MCTP1: variants seen among roughly 807,000 people sequenced by gnomAD.
MCTP1 encodes multiple C2 and transmembrane domain containing 1, also known as multiple C2 and transmembrane domain-containing protein 1.
Under a neutral mutation model 120.6 loss-of-function variants are expected in MCTP1, and 69 were observed. That is an observed-to-expected ratio of 0.57 (90% CI 0.47 to 0.70). The LOEUF (loss-of-function observed/expected upper bound fraction) is 0.70, where lower values mean the gene tolerates loss of function less well. Among genes scored for constraint, MCTP1 ranks in the 30% least tolerant of loss-of-function variants. The probability of loss-of-function intolerance (pLI) is 0.00; values close to 1 mark genes in which losing one functional copy is unlikely to be tolerated. For missense variants in MCTP1, 1,203 were observed against 1,248.8 expected (o/e 0.96, Z 0.55); for synonymous variants, 529 against 493.1 (o/e 1.07, Z -0.96).
intron 1 of MCTP1, among the ~76,000 whole-genome samples, chr5:95,131,354 G>C (rs1460397542): frequency 6.6e-6 from 1 of 152,192 alleles, no homozygotes; most frequent in East Asian, 1.9e-4. Context: ...GTGAAGCAAG[G>C]AGACTGGGCT....
intron 1 of MCTP1, among the ~76,000 whole-genome samples, chr5:95,208,767 T>G (rs1194140376): frequency 1.3e-5 from 2 of 152,116 alleles, no homozygotes; most frequent in African/African-American, 4.8e-5. Flanking sequence ...TGTATTATCC[T>G]TAGTTTTGAT....
intron 1 of MCTP1, among the ~76,000 whole-genome samples, chr5:95,096,618 G>C (rs557707457): frequency 5.3e-5 from 8 of 152,272 alleles, no homozygotes; most frequent in Admixed American, 1.3e-4. Context: ...GAAAAGATGT[G>C]CCATAAATGG....
At position 95,179,746 on chromosome 5, in the gene MCTP1, G is replaced by A. The variant is rs184805644; in HGVS notation, c.720+104110C>T. On this transcript the variant is annotated intron_variant, in intron 1 of 22. Coordinates refer to ENST00000515393, the MANE Select transcript of MCTP1 (RefSeq NM_024717.7). Reference sequence around the variant, plus strand: ...ACCTCCTTAAAGCATAAATCTCACAGGACTTATGTAACAATAACACAATGA... The same window carrying A: ...ACCTCCTTAAAGCATAAATCTCACAAGACTTATGTAACAATAACACAATGA... Among the ~76,000 whole-genome samples the A allele has an allele frequency of 1.2e-4, 19 of 152,224 alleles. No homozygotes were observed. In the East Asian group the frequency reaches 1.5e-3, roughly 12 times the overall value.
intron 19 of MCTP1, among the ~76,000 whole-genome samples, chr5:94,745,971 A>T (rs1343684804): frequency 6.6e-6 from 1 of 152,176 alleles, no homozygotes; most frequent in Non-Finnish European, 1.5e-5. Context: ...AGCTGTAAGC[A>T]TTGCATTCAC....
At chr5:94,804,239 G>A (rs868391177) in intron 17 of MCTP1, among the ~76,000 whole-genome samples, 32 of 152,284 alleles carry the variant, frequency 2.1e-4, no homozygotes, top group Non-Finnish European at 2.6e-4. Flanking sequence ...GCCCAAAGAA[G>A]TGATTTCAGT....
At chr5:95,208,639 C>T (rs1286115751) in intron 1 of MCTP1, among the ~76,000 whole-genome samples, 1 of 151,856 alleles carries the variant, frequency 6.6e-6, no homozygotes. Context: ...CAGCCCTCAA[C>T]CCATGCCTCT....
At chr5:94,765,620 G>A (rs1417195770) in intron 19 of MCTP1, among the ~76,000 whole-genome samples, 1 of 150,384 alleles carries the variant, frequency 6.6e-6, no homozygotes, top group African/African-American at 2.4e-5. Context: ...AGAATCACTT[G>A]AATGTGGGAG....
intron 3 of MCTP1, among the ~76,000 whole-genome samples, chr5:94,950,367 T>C (rs1820179362): frequency 6.6e-6 from 1 of 152,142 alleles, no homozygotes; most frequent in Non-Finnish European, 1.5e-5. Flanking sequence ...ATCTTATATA[T>C]TGAAAGTTCA....
chr5:94,875,983 C>A (rs1798790332), intron 12 of MCTP1, among the ~76,000 whole-genome samples: 1 of 152,102 alleles, frequency 6.6e-6, no homozygotes, highest in Admixed American at 6.6e-5. Flanking sequence ...AAGTATCCTC[C>A]TGTCACTGCA....
intron 7 of MCTP1, among the ~76,000 whole-genome samples, chr5:94,923,537 T>C (rs895688781): frequency 1.3e-5 from 2 of 152,166 alleles, no homozygotes; most frequent in Non-Finnish European, 2.9e-5. Context: ...AGTATATATC[T>C]AGGACAGAGT....
In MCTP1 at chr5:94,707,552, G is replaced by T; in HGVS notation, c.2944C>A (p.Leu982Met). 1.9e-6 allele frequency: 3 copies of T among 1,611,772 alleles called. No homozygotes were observed. Among genetic ancestry groups the T allele is most frequent in the Non-Finnish European group, 2.5e-6 (3 of 1,178,426 alleles). Reference sequence around the variant, plus strand: ...GGGCTATGAGAAGGATCTGGTTTCAGTTCTTGGTATTGCACCTGTTTAAAC... The same window carrying T: ...GGGCTATGAGAAGGATCTGGTTTCATTTCTTGGTATTGCACCTGTTTAAAC... ...SDVQVVQYQE[L>M]KPDPSHSPYK... The change falls in exon 23 of 23, where the codon CTG (leucine) becomes ATG (methionine). Residue 982 changes from leucine (L) to methionine (M), a missense_variant. Coordinates refer to ENST00000515393, the MANE Select transcript of MCTP1 (RefSeq NM_024717.7).
At chr5:95,089,678 G>T (rs371190654) in intron 1 of MCTP1, among the ~76,000 whole-genome samples, 3 of 152,244 alleles carry the variant, frequency 2.0e-5, no homozygotes, top group South Asian at 2.1e-4. Flanking sequence ...AATCCAGAGG[G>T]TCTCTCTTTT....
intron 19 of MCTP1, among the ~76,000 whole-genome samples, chr5:94,766,268 C>T (rs1253698608): frequency 6.6e-6 from 1 of 152,128 alleles, no homozygotes; most frequent in Non-Finnish European, 1.5e-5. Context: ...GACTTGGAAA[C>T]AACCCAAATG....
At chr5:94,968,648 A>G (rs1361512294) in intron 2 of MCTP1, among the ~76,000 whole-genome samples, 1 of 152,230 alleles carries the variant, frequency 6.6e-6, no homozygotes, top group African/African-American at 2.4e-5. Context: ...ATAGCTTCAT[A>G]TGCCAGTGCT....
At chr5:95,162,326 T>C (rs531904610) in intron 1 of MCTP1, among the ~76,000 whole-genome samples, 1 of 152,284 alleles carries the variant, frequency 6.6e-6, no homozygotes, top group South Asian at 2.1e-4. Context: ...AAAAGTTGTA[T>C]TTTTGAAAAA....
intron 1 of MCTP1, among the ~76,000 whole-genome samples, chr5:95,075,920 A>G (rs1264097681): frequency 6.6e-6 from 1 of 152,202 alleles, no homozygotes; most frequent in Admixed American, 6.5e-5. Flanking sequence ...ACCAGTAATA[A>G]GGCTACAGAG....
intron 2 of MCTP1, among the ~76,000 whole-genome samples, chr5:94,975,128 A>G (rs2153583098): frequency 6.6e-6 from 1 of 152,250 alleles, no homozygotes. Flanking sequence ...TGAAGCTTGA[A>G]TAAATACTGA....
chr5:94,982,850 C>T (rs1214262102), intron 2 of MCTP1, among the ~76,000 whole-genome samples: 1 of 123,792 alleles, frequency 8.1e-6, no homozygotes, highest in Non-Finnish European at 1.6e-5. Context: ...GATCGTGCCA[C>T]TGTACTCTAC....
At chr5:94,961,399 A>G (rs1824153005) in intron 2 of MCTP1, among the ~76,000 whole-genome samples, 1 of 152,144 alleles carries the variant, frequency 6.6e-6, no homozygotes, top group Non-Finnish European at 1.5e-5. Flanking sequence ...CATGTATCCC[A>G]GAGCTTAAAG....
Sources: gnomAD v4.1 joint callset for allele counts (sites outside exome capture counted in the v4.1 genomes callset) on GRCh38, gnomAD v4.1.1 for gene constraint, MANE v1.5 for transcripts, NCBI Gene and HGNC (gene_info 2026-07-23, HGNC 2026-07-21) for gene names.